The following USP32 variants were observed in gnomAD, a reference collection of about 807,000 sequenced individuals.
USP32 encodes ubiquitin carboxyl-terminal hydrolase 32.
In USP32, 59 loss-of-function variants were observed where a neutral mutation model predicts 204.8. That is an observed-to-expected ratio of 0.29 (90% CI 0.23 to 0.36). The LOEUF is 0.36. USP32 is among the 10% of genes least tolerant of loss of function. USP32 has a pLI of 1.00. For synonymous variants in USP32, 517 were observed against 678.4 expected (o/e 0.76, Z 3.70); for missense variants, 1,160 against 1,946.4 (o/e 0.60, Z 7.60).
chr17:60,406,650 T>G (rs2089978445), intron 1 of USP32, among the ~76,000 whole-genome samples: 1 of 151,252 alleles, frequency 6.6e-6, no homozygotes, highest in Non-Finnish European at 1.5e-5. Flanking sequence ...TGAGTAGCTG[T>G]GATTACAGGC....
intron 1 of USP32, among the ~76,000 whole-genome samples, chr17:60,364,480 A>G (rs2089275570): frequency 6.6e-6 from 1 of 152,190 alleles, no homozygotes; most frequent in South Asian, 2.1e-4. Context: ...CCCAAGTTCA[A>G]GTAACTTTCG....
At chr17:60,236,481 T>TA (rs548354782) in intron 11 of USP32, among the ~76,000 whole-genome samples, 5 of 151,268 alleles carry the variant, frequency 3.3e-5, no homozygotes, top group South Asian at 4.2e-4. Context: ...ACTTAAAAAT[T>TA]AAAAAAAATT....
intron 2 of USP32, among the ~76,000 whole-genome samples, chr17:60,344,126 C>CTTT (rs1434371470): frequency 1.4e-5 from 2 of 140,956 alleles, no homozygotes; most frequent in Admixed American, 6.8e-5. Context: ...CCTAAAATTC[C>CTTT]TATTTTTTTT....
intron 11 of USP32, among the ~76,000 whole-genome samples, chr17:60,243,945 G>A (rs1419771768): frequency 6.6e-6 from 1 of 151,256 alleles, no homozygotes; most frequent in African/African-American, 2.4e-5. Flanking sequence ...TTTAGTTCAC[G>A]TATGGCTATA....
intron 16 of USP32, among the ~76,000 whole-genome samples, chr17:60,216,394 T>C (rs1435854527): frequency 6.6e-6 from 1 of 151,906 alleles, no homozygotes; most frequent in Non-Finnish European, 1.5e-5. Flanking sequence ...CTGTATTTTA[T>C]TGAGCAACCC....
chr17:60,314,128 CTTTTTTTTTTTT>C (rs35830572), intron 2 of USP32, among the ~76,000 whole-genome samples: 1 of 52,808 alleles, frequency 1.9e-5, no homozygotes, highest in Non-Finnish European at 3.2e-5. Flanking sequence ...TATTGTGTGG[CTTTTTTTTTTTT>C]TTTTTTTTTT....
intron 2 of USP32, among the ~76,000 whole-genome samples, chr17:60,308,914 C>T (rs1157794334): frequency 6.6e-6 from 1 of 152,078 alleles, no homozygotes; most frequent in Non-Finnish European, 1.5e-5. Flanking sequence ...GGTGACAGAG[C>T]AAGACTCTGT....
intron 11 of USP32, among the ~76,000 whole-genome samples, chr17:60,244,681 G>A (rs185851822): frequency 1.9e-4 from 29 of 152,234 alleles, no homozygotes; most frequent in Admixed American, 1.7e-3. Context: ...GCCCAGGCTG[G>A]AGAGCAGGCG....
At chr17:60,370,553 A>T (rs1567880308) in intron 1 of USP32, among the ~76,000 whole-genome samples, 1 of 151,768 alleles carries the variant, frequency 6.6e-6, no homozygotes, top group East Asian at 1.9e-4. Context: ...TTGAGGTCAG[A>T]AGTTCAAGAC....
intron 1 of USP32, among the ~76,000 whole-genome samples, chr17:60,386,128 C>T (rs1346352064): frequency 1.3e-5 from 2 of 152,024 alleles, no homozygotes; most frequent in East Asian, 3.8e-4. Context: ...AACTACATAC[C>T]TCTAACTTCC....
chr17:60,286,831 G>C (rs1333376764), intron 5 of USP32, among the ~76,000 whole-genome samples: 1 of 152,126 alleles, frequency 6.6e-6, no homozygotes, highest in Non-Finnish European at 1.5e-5. Flanking sequence ...AAGACTCAAT[G>C]CTCACCATCC....
chr17:60,293,476 C>A (rs1467744805), intron 4 of USP32, among the ~76,000 whole-genome samples: 1 of 152,112 alleles, frequency 6.6e-6, no homozygotes, highest in South Asian at 2.1e-4. Flanking sequence ...AAATTACTAT[C>A]ACAGCAACTT....
chr17:60,421,312 A>T (rs1347943012), intron 1 of USP32: 1 of 939,240 alleles, frequency 1.1e-6, no homozygotes, highest in Non-Finnish European at 1.3e-6. Context: ...AGGACAAGTT[A>T]AAAAGTTTCT....
At chr17:60,211,591 A>C (rs2084969217) in intron 19 of USP32, 77 bp from the exon 20 acceptor site, 1 of 1,510,922 alleles carries the variant, frequency 6.6e-7, no homozygotes, top group African/African-American at 1.4e-5. Flanking sequence ...ATATTCAATG[A>C]AAAGGTTTTT....
intron 5 of USP32, among the ~76,000 whole-genome samples, chr17:60,288,322 C>T (rs2087175277): frequency 1.3e-5 from 2 of 151,896 alleles, no homozygotes; most frequent in African/African-American, 4.8e-5. Context: ...TGCCTGTAGT[C>T]CCAGCTGCTT....
At chr17:60,284,747 A>G (rs913827680) in intron 5 of USP32, among the ~76,000 whole-genome samples, 1 of 151,710 alleles carries the variant, frequency 6.6e-6, no homozygotes, top group African/African-American at 2.4e-5. Context: ...CTCCTTGACC[A>G]AATTTTTTAG....
At chr17:60,394,181 A>T (rs1039044556), upstream of USP32, among the ~76,000 whole-genome samples, 6 of 152,200 alleles carry the variant, frequency 3.9e-5, no homozygotes, top group Non-Finnish European at 8.8e-5. Flanking sequence ...TTAGTTCGGT[A>T]TAGAGAGACA....
intron 12 of USP32, among the ~76,000 whole-genome samples, chr17:60,235,361 C>T (rs1423128060): frequency 6.6e-6 from 1 of 152,146 alleles, no homozygotes; most frequent in Non-Finnish European, 1.5e-5. Context: ...TTCAGAGACA[C>T]CAAAGTCCGT....
chr17:60,193,842 T>C (rs758417680), intron 27 of USP32, among the ~76,000 whole-genome samples: 6 of 152,218 alleles, frequency 3.9e-5, no homozygotes, highest in African/African-American at 1.2e-4. Flanking sequence ...TGAATGATCA[T>C]TGATAGCCTG....
Sources: allele counts gnomAD v4.1 joint callset (sites outside exome capture counted in the v4.1 genomes callset), GRCh38; gene constraint gnomAD v4.1.1; transcripts MANE v1.5; gene names NCBI Gene and HGNC (gene_info 2026-07-23, HGNC 2026-07-21).